CHEK2: variants seen among roughly 807,000 people sequenced by gnomAD.
The protein encoded by CHEK2 is checkpoint kinase 2.
Under a neutral mutation model 69.1 loss-of-function variants are expected in CHEK2, and 71 were observed. That is an observed-to-expected ratio of 1.03 (90% CI 0.85 to 1.25). The LOEUF is 1.25. Among genes scored for constraint, CHEK2 ranks in the 50% most tolerant of loss-of-function variants. The pLI, the probability that CHEK2 is intolerant of heterozygous loss-of-function variation, is 0.00. For synonymous variants in CHEK2, 189 were observed against 226.9 expected (o/e 0.83, Z 1.50); for missense variants, 664 against 649.6 (o/e 1.02, Z -0.24).
At chr22:28,703,882 A>T (rs972117195) in intron 7 of CHEK2, among the ~76,000 whole-genome samples, 1 of 152,262 alleles carries the variant, frequency 6.6e-6, no homozygotes, top group Admixed American at 6.5e-5. Context: ...GAGCAGAGGT[A>T]CTCAAGGACA....
chr22:28,689,989 G>A (rs1464826446), intron 13 of CHEK2, among the ~76,000 whole-genome samples: 2 of 152,166 alleles, frequency 1.3e-5, no homozygotes, highest in African/African-American at 4.8e-5. Flanking sequence ...TAGGAATGTG[G>A]CCTTTGAGTG....
intron 1 of CHEK2, among the ~76,000 whole-genome samples, chr22:28,737,023 G>A (rs1405829582): frequency 1.3e-5 from 2 of 151,764 alleles, no homozygotes; most frequent in East Asian, 1.9e-4. Context: ...TGACCTAATC[G>A]GATTAACAAA....
At chr22:28,699,031 G>T (rs1218853362) in intron 9 of CHEK2, among the ~76,000 whole-genome samples, 1 of 152,158 alleles carries the variant, frequency 6.6e-6, no homozygotes, top group Non-Finnish European at 1.5e-5. Flanking sequence ...TAAAGACAGA[G>T]CATCATTCTG....
At chr22:28,736,719 CA>C (rs955134587) in intron 1 of CHEK2, among the ~76,000 whole-genome samples, 16 of 152,030 alleles carry the variant, frequency 1.1e-4, no homozygotes, top group Admixed American at 6.6e-4. Context: ...GCAAGAGGAC[CA>C]CTTGAGGCCA....
At chr22:28,715,017 G>A (rs1049446912) in intron 5 of CHEK2, among the ~76,000 whole-genome samples, 1 of 152,174 alleles carries the variant, frequency 6.6e-6, no homozygotes, top group African/African-American at 2.4e-5. Flanking sequence ...AGCTGGAGCA[G>A]TGAGCCATGA....
chr22:28,718,330 A>G (rs1464843754), intron 5 of CHEK2, among the ~76,000 whole-genome samples: 1 of 152,224 alleles, frequency 6.6e-6, no homozygotes, highest in Admixed American at 6.5e-5. Context: ...TGTTGGTGGG[A>G]AAGTAAATTA....
intron 2 of CHEK2, chr22:28,730,274 A>AGG (rs2054167458): frequency 5.3e-6 from 1 of 189,180 alleles, no homozygotes. Flanking sequence ...GAGGAAAGGA[A>AGG]AGCGGAAGGG....
chr22:28,689,953 A>G (rs1423921324), intron 13 of CHEK2, among the ~76,000 whole-genome samples: 1 of 152,192 alleles, frequency 6.6e-6, no homozygotes, highest in African/African-American at 2.4e-5. Flanking sequence ...CCCCATCTTC[A>G]GCAAGGTGAA....
At chr22:28,703,011 G>T (rs2052948872) in intron 8 of CHEK2, among the ~76,000 whole-genome samples, 1 of 152,026 alleles carries the variant, frequency 6.6e-6, no homozygotes, top group Admixed American at 6.5e-5. Flanking sequence ...AAGTATTTTC[G>T]ATCTGAGGTT....
Position 28,706,713 on chromosome 22 carries a change from G to A in CHEK2, c.847-3147C>T, listed in dbSNP as rs141770984. Among the ~76,000 whole-genome samples, 56 of 152,316 alleles carry A rather than the reference G, an allele frequency of 3.7e-4. No homozygotes were observed. The East Asian group carries it at 8.9e-3, about 24-fold the overall frequency. On this transcript the variant is annotated intron_variant, in intron 7 of 14. Transcript: ENST00000404276. ...GCAGGCAGATCACCTGAGGTCAGGA[G>A]TTCGAGACCAGCCTGGCCAACATGG...
chr22:28,702,270 G>A (rs1378661704), intron 8 of CHEK2, among the ~76,000 whole-genome samples: 2 of 144,264 alleles, frequency 1.4e-5, no homozygotes, highest in Admixed American at 7.1e-5. Flanking sequence ...ACGGAGTCTC[G>A]CTCTGTCACC....
intron 5 of CHEK2, among the ~76,000 whole-genome samples, chr22:28,716,199 CTT>C (rs202194670): frequency 4.0e-4 from 54 of 136,112 alleles, no homozygotes; most frequent in Middle Eastern, 3.8e-3. Flanking sequence ...TCTTTTTTCT[CTT>C]TTTTTTTTTT....
rs182425198 is a variant in CHEK2, at chr22:28,698,322, G to A, written c.1009-1335C>T. On this transcript the variant is annotated intron_variant, in intron 9 of 14. Coordinates refer to ENST00000404276, the MANE Select transcript of CHEK2 (RefSeq NM_007194.4). ...TGAGGCAGGAGAATCACTTGAACCCGAGGTGGAGGTTGTAGTGAGCCGAGA... is the reference window on the plus strand; with the variant it reads ...TGAGGCAGGAGAATCACTTGAACCCAAGGTGGAGGTTGTAGTGAGCCGAGA... Among the ~76,000 whole-genome samples the A allele has an allele frequency of 2.7e-3, 409 of 151,044 alleles. 1 individual carries two copies. The highest frequency in any genetic ancestry group is 8.3e-3 in the African/African-American group (343 of 41,282).
intron 9 of CHEK2, among the ~76,000 whole-genome samples, chr22:28,698,165 C>T (rs1285711266): frequency 2.8e-5 from 4 of 142,360 alleles, no homozygotes; most frequent in South Asian, 2.3e-4. Context: ...TCAAGGCAGG[C>T]GGATAGTTTG....
intron 1 of CHEK2, 99 bp from the exon 2 acceptor site, chr22:28,734,826 A>T: frequency 1.9e-6 from 1 of 528,376 alleles, no homozygotes; most frequent in Non-Finnish European, 2.8e-6. Flanking sequence ...AAAAGAAAAG[A>T]AAAAAAAAAA....
At chr22:28,734,338 G>A (rs1452721339) in intron 2 of CHEK2, 65 bp downstream of exon 2, 1 of 1,507,560 alleles carries the variant, frequency 6.6e-7, no homozygotes, top group Non-Finnish European at 9.2e-7. Context: ...CTTCCACCTG[G>A]TAATACAACT....
intron 2 of CHEK2, among the ~76,000 whole-genome samples, chr22:28,733,947 G>A (rs945634953): frequency 1.3e-5 from 2 of 150,946 alleles, no homozygotes; most frequent in Admixed American, 1.3e-4. Flanking sequence ...AAAAATTCCT[G>A]AAACTAAACA....
chr22:28,699,948 A>G lies in CHEK2; in HGVS notation c.909-11T>C. ...TCTCCCCCTTCCATCCTGAAACACAAAGGCAAGGCAAGGGGTTCATTCCTG... is the reference window on the plus strand; with the variant it reads ...TCTCCCCCTTCCATCCTGAAACACAGAGGCAAGGCAAGGGGTTCATTCCTG... On this transcript the variant is annotated splice_polypyrimidine_tract_variant and intron_variant, in intron 8 of 14. Transcript: ENST00000404276. The G allele has an allele frequency of 1.3e-6, 2 of 1,590,832 alleles. No individual in the cohort carries two copies. Among genetic ancestry groups the G allele is most frequent in the Non-Finnish European group, 1.7e-6 (2 of 1,159,326 alleles).
rs2052978138 is a variant in CHEK2 at position 28,703,531 on chromosome 22, T to C, written c.882A>G (p.Ala294=). 6.4e-7 allele frequency: 1 copy of C among 1,550,912 alleles called. No individual in the cohort carries two copies. Among genetic ancestry groups the C allele is most frequent in the Non-Finnish European group, 8.9e-7 (1 of 1,129,804 alleles). Residue 294 remains alanine (A), a synonymous_variant, in exon 8 of 15, where the codon GCA becomes GCG. Coordinates refer to ENST00000404276, the MANE Select transcript of CHEK2 (RefSeq NM_007194.4). ...ATTCCAAAACAATATAATAATCTTC[T>C]GCATCAAAAAAGTTTTTAATCTTGA... ...CIIKIKNFFD[A]EDYYIVLELM...
Sources: gnomAD v4.1 joint callset for allele counts (sites outside exome capture counted in the v4.1 genomes callset) on GRCh38, gnomAD v4.1.1 for gene constraint, MANE v1.5 for transcripts, NCBI Gene and HGNC (gene_info 2026-07-23, HGNC 2026-07-21) for gene names.